The following WDR7 variants were observed in gnomAD, a reference collection of about 807,000 sequenced individuals.
WDR7 encodes WD repeat-containing protein 7.
A neutral mutation model predicts 169.4 loss-of-function variants in WDR7; 46 were observed. That is an observed-to-expected ratio of 0.27 (90% CI 0.21 to 0.35). The LOEUF (loss-of-function observed/expected upper bound fraction) is 0.35. Ranked by LOEUF, WDR7 falls within the 10% of genes least tolerant of loss-of-function variation. The pLI is 1.00. For synonymous variants in WDR7, 612 were observed against 666.8 expected, an observed-to-expected ratio of 0.92 and a Z score of 1.27; for missense variants, 1,534 against 1,859.3, an observed-to-expected ratio of 0.83 and a Z score of 3.22.
intron 20 of WDR7, among the ~76,000 whole-genome samples, chr18:56,875,219 C>A (rs1367785749): frequency 6.6e-6 from 1 of 152,118 alleles, no homozygotes. Flanking sequence ...TTTAAAAGAA[C>A]TTAGGATATG....
intron 14 of WDR7, among the ~76,000 whole-genome samples, chr18:56,750,963 ATTATAGT>A (rs889676184): frequency 1.8e-4 from 28 of 152,210 alleles, no homozygotes; most frequent in African/African-American, 6.7e-4. Context: ...GAAAACAGAA[ATTATAGT>A]TTATCTGTAG....
chr18:56,704,427 T>C (rs2025903193), intron 12 of WDR7, among the ~76,000 whole-genome samples: 1 of 150,636 alleles, frequency 6.6e-6, no homozygotes, highest in South Asian at 2.1e-4. Flanking sequence ...TAGTTCTAGC[T>C]ACTTGGGAGG....
chr18:56,844,458 CCCTACTA>C lies in WDR7; in HGVS notation c.3304+28315_3304+28321del, dbSNP rs546601270. 2.5e-3 allele frequency among the ~76,000 whole-genome samples: 378 copies of C among 152,154 alleles called. 2 individuals carry two copies. Among genetic ancestry groups the C allele is most frequent in the Admixed American group, 5.0e-3 (76 of 15,282 alleles). ...GATCCATGGTGTTTATTGTGTTACACCCTACTAAGGACAGTCACAAAAAGATTAGACT... is the reference window on the plus strand; with the variant it reads ...GATCCATGGTGTTTATTGTGTTACACAGGACAGTCACAAAAAGATTAGACT... On this transcript the variant is annotated intron_variant, in intron 20 of 27. Coordinates refer to ENST00000254442, the MANE Select transcript of WDR7 (RefSeq NM_015285.3).
At chr18:56,802,290 A>G (rs923270118) in intron 19 of WDR7, among the ~76,000 whole-genome samples, 2 of 151,150 alleles carry the variant, frequency 1.3e-5, no homozygotes, top group Admixed American at 6.6e-5. Context: ...CTTTTGTCCA[A>G]TTTTTCTTAC....
At chr18:56,889,167 G>A (rs1463804698) in intron 21 of WDR7, among the ~76,000 whole-genome samples, 1 of 152,186 alleles carries the variant, frequency 6.6e-6, no homozygotes, top group South Asian at 2.1e-4. Context: ...GGGAAGTGGG[G>A]ACTTCAGTCA....
chr18:56,701,652 A>C (rs953733692), intron 12 of WDR7, among the ~76,000 whole-genome samples: 3 of 152,158 alleles, frequency 2.0e-5, no homozygotes, highest in Non-Finnish European at 2.9e-5. Flanking sequence ...TGTATTAGAA[A>C]CTTTTTTTTA....
intron 26 of WDR7, among the ~76,000 whole-genome samples, chr18:56,978,637 T>C (rs2047600060): frequency 6.6e-6 from 1 of 152,228 alleles, no homozygotes; most frequent in Non-Finnish European, 1.5e-5. Context: ...TCTCCATGGA[T>C]GTTTCCATCT....
chr18:56,844,982 T>G (rs977092840), intron 20 of WDR7, among the ~76,000 whole-genome samples: 1 of 152,196 alleles, frequency 6.6e-6, no homozygotes, highest in Non-Finnish European at 1.5e-5. Context: ...GTGCCTAATT[T>G]ATAAGTTAAA....
intron 20 of WDR7, among the ~76,000 whole-genome samples, chr18:56,872,328 T>A (rs2045963993): frequency 6.6e-6 from 1 of 152,170 alleles, no homozygotes; most frequent in African/African-American, 2.4e-5. Flanking sequence ...TATCTTGACC[T>A]CTTGGTTGCA....
In WDR7 at chr18:56,888,659, A is replaced by G. The variant is rs116023274; in HGVS notation, c.3526+8494A>G. Among the ~76,000 whole-genome samples, 953 of 152,302 alleles carry G rather than the reference A, an allele frequency of 6.3e-3. 12 individuals carry two copies. Among genetic ancestry groups the G allele is most frequent in the African/African-American group, 0.021 (873 of 41,562 alleles). On this transcript the variant is annotated intron_variant, in intron 21 of 27. Coordinates refer to ENST00000254442, the MANE Select transcript of WDR7 (RefSeq NM_015285.3). ...AAGGTATTATTTATGACATTACCTTATAGGTCTTTTGGTTCATTCTTTCAT... is the reference window on the plus strand; with the variant it reads ...AAGGTATTATTTATGACATTACCTTGTAGGTCTTTTGGTTCATTCTTTCAT...
intron 14 of WDR7, among the ~76,000 whole-genome samples, chr18:56,750,225 A>G (rs998998636): frequency 6.6e-6 from 1 of 152,102 alleles, no homozygotes; most frequent in Non-Finnish European, 1.5e-5. Context: ...TTTCTGTAAT[A>G]TTTTAAGTCA....
At chr18:56,682,336 T>C (rs915808221) in intron 4 of WDR7, among the ~76,000 whole-genome samples, 27 of 152,212 alleles carry the variant, frequency 1.8e-4, no homozygotes, top group African/African-American at 6.0e-4. Flanking sequence ...GTAAAGCTGA[T>C]TTTATTCAGG....
chr18:56,962,676 A>G (rs994985464), intron 26 of WDR7, 147 bp downstream of exon 26: 20 of 723,690 alleles, frequency 2.8e-5, no homozygotes, highest in Middle Eastern at 2.6e-4. Context: ...AAGGACGCAC[A>G]GAATATAGAG....
intron 16 of WDR7, among the ~76,000 whole-genome samples, chr18:56,759,725 T>C (rs149438872): frequency 6.0e-4 from 92 of 152,086 alleles, no homozygotes; most frequent in African/African-American, 2.1e-3. Flanking sequence ...AGCTTCTGCT[T>C]ATAAATGGTG....
intron 26 of WDR7, among the ~76,000 whole-genome samples, chr18:57,004,461 C>G (rs1018362970): frequency 3.7e-4 from 56 of 152,106 alleles, no homozygotes; most frequent in African/African-American, 1.2e-3. Context: ...TAAGAATTCT[C>G]TTGGCTTTTG....
chr18:56,663,494 A>G lies in WDR7; in HGVS notation c.-19-9003A>G, dbSNP rs1190648744. ...CCCTTATTTTTAAGTTCTGTCTTTA[A>G]AAGCATTTAGGGGTGAATCATCATG... is the stretch of plus-strand genomic sequence containing the variant. On this transcript the variant is annotated intron_variant, in intron 1 of 27. Coordinates refer to ENST00000254442, the MANE Select transcript of WDR7 (RefSeq NM_015285.3). Among the ~76,000 whole-genome samples, 4 of 152,274 alleles carry G rather than the reference A, an allele frequency of 2.6e-5. No homozygotes were observed. In the East Asian group the frequency reaches 7.7e-4, roughly 29 times the overall value.
In WDR7 at chr18:56,908,180, G is replaced by A. The variant is rs181393956; in HGVS notation, c.3527-15742G>A. 7.5e-3 allele frequency among the ~76,000 whole-genome samples: 1,137 copies of A among 152,236 alleles called. 5 individuals are homozygous for A. Among genetic ancestry groups the A allele is most frequent in the Non-Finnish European group, 0.013 (859 of 68,022 alleles). ...ATTTGATTCACCCTCCACAGACTTC[G>A]AGAGGAAGAAAAATAGCATTGCTAG... On this transcript the variant is annotated intron_variant, in intron 21 of 27. Transcript: ENST00000254442.
At chr18:56,933,588 A>C (rs1348596568) in intron 22 of WDR7, among the ~76,000 whole-genome samples, 3 of 152,226 alleles carry the variant, frequency 2.0e-5, no homozygotes, top group African/African-American at 7.2e-5. Context: ...TCTTCTCTCA[A>C]AGATGCAATC....
At position 57,010,362 on chromosome 18, in the gene WDR7, C is replaced by T. The variant is rs1021880665; in HGVS notation, c.4165-10383C>T. The T allele has an allele frequency of 7.8e-6, 7 of 894,638 alleles. No homozygotes were observed. The Admixed American group carries it at 2.5e-4, about 32-fold the overall frequency. The allele number at this position is 894,638 out of a possible 1,614,324, so 55.4% of individuals were successfully genotyped here. ...TTTTATTTAAAACAACCACATTTAT[C>T]TAAATTATATTAGTATTCAGCAGTA... On this transcript the variant is annotated intron_variant, in intron 26 of 27. Transcript: ENST00000254442.
Sources: allele counts gnomAD v4.1 joint callset (sites outside exome capture counted in the v4.1 genomes callset), GRCh38; gene constraint gnomAD v4.1.1; transcripts MANE v1.5; gene names NCBI Gene and HGNC (gene_info 2026-07-23, HGNC 2026-07-21).